BOP1: variants seen among roughly 807,000 people sequenced by gnomAD.
BOP1 encodes ribosome biogenesis protein BOP1.
A neutral mutation model predicts 82.9 loss-of-function variants in BOP1; 54 were observed. The observed-to-expected ratio is 0.65, with a 90% CI of 0.52 to 0.82. The LOEUF (loss-of-function observed/expected upper bound fraction) is 0.82, where lower values mean the gene tolerates loss of function less well. Ranked by LOEUF, BOP1 falls within the 40% of genes least tolerant of loss-of-function variation. The pLI is 0.00. For synonymous variants in BOP1, 566 were observed against 451.1 expected (o/e 1.25, Z -3.23); for missense variants, 1,170 against 1,072.0 (o/e 1.09, Z -1.28).
rs921696334 is a variant in BOP1, at chr8:144,264,841, G to T, written c.546-10C>A. 3.7e-6 allele frequency: 6 copies of T among 1,608,552 alleles called. No homozygotes were observed. The African/African-American group carries it at 5.3e-5, about 14-fold the overall frequency. ...GTCCTGCACGGTGCGCCTGGAGACCGCCAGTCAGACCCCGCCAGCCCTGCC... is the reference window on the plus strand; with the variant it reads ...GTCCTGCACGGTGCGCCTGGAGACCTCCAGTCAGACCCCGCCAGCCCTGCC... On this transcript the variant is annotated splice_polypyrimidine_tract_variant and intron_variant, in intron 4 of 15. Transcript: ENST00000569669.
At chr8:144,274,783 G>A (rs1334806386) in intron 3 of BOP1, among the ~76,000 whole-genome samples, 1 of 152,218 alleles carries the variant, frequency 6.6e-6, no homozygotes. Flanking sequence ...AGGGGCAGCA[G>A]GGTCCCACAG....
rs371797893 is a variant in BOP1 at position 144,289,169 on chromosome 8, C to G, written c.235G>C (p.Glu79Gln). The G allele has an allele frequency of 2.2e-5, 35 of 1,614,096 alleles. No individual in the cohort carries two copies. The African/African-American group carries it at 4.1e-4, about 19-fold the overall frequency. Reference sequence around the variant, plus strand: ...TCAAGGGCTCCGTCCTCTCCCTCCTCGTCGCCTTCGTCATCATCCTCACTG... The same window carrying G: ...TCAAGGGCTCCGTCCTCTCCCTCCTGGTCGCCTTCGTCATCATCCTCACTG... The part of the protein sequence containing the change: ...DSSEDDDEGD[E>Q]EGEDGALDDE... The change falls in exon 2 of 16, where the codon GAG (glutamate) becomes CAG (glutamine). Residue 79 changes from glutamate to glutamine, a missense_variant. Glu to Gln is a conservative substitution (Grantham distance 29, BLOSUM62 2). Coordinates refer to ENST00000569669, the MANE Select transcript of BOP1 (RefSeq NM_015201.5).
At chr8:144,271,188 A>T (rs1186740243) in intron 3 of BOP1, among the ~76,000 whole-genome samples, 1 of 151,916 alleles carries the variant, frequency 6.6e-6, no homozygotes, top group Non-Finnish European at 1.5e-5. Flanking sequence ...CACAGGCCGC[A>T]ACCGGCTGAT....
intron 3 of BOP1, among the ~76,000 whole-genome samples, chr8:144,271,315 G>A (rs1481595519): frequency 1.3e-5 from 2 of 151,830 alleles, no homozygotes; most frequent in Non-Finnish European, 2.9e-5. Flanking sequence ...CCCGCTGCCC[G>A]CCTCCTCCCG....
rs782372764 is a variant in BOP1 at position 144,289,311 on chromosome 8, G to A, written c.100-7C>T. ...AGGTGCAGAGGAGGGGGGGCTGCAAGGAAACACTGGGTTGGTGACAACTGC... is the reference window on the plus strand; with the variant it reads ...AGGTGCAGAGGAGGGGGGGCTGCAAAGAAACACTGGGTTGGTGACAACTGC... On this transcript the variant is annotated splice_region_variant and splice_polypyrimidine_tract_variant and intron_variant, in intron 1 of 15. Transcript: ENST00000569669. The A allele has an allele frequency of 2.5e-6, 4 of 1,612,824 alleles. No homozygotes were observed. In the African/African-American group the frequency reaches 4.0e-5, roughly 16 times the overall value.
At chr8:144,288,180 G>A (rs1291015610) in intron 2 of BOP1, among the ~76,000 whole-genome samples, 3 of 151,522 alleles carry the variant, frequency 2.0e-5, no homozygotes, top group Non-Finnish European at 2.9e-5. Context: ...TGAGACAGGA[G>A]AATTGTTTGA....
chr8:144,286,980 T>C (rs530679784), intron 2 of BOP1, among the ~76,000 whole-genome samples: 48 of 152,328 alleles, frequency 3.2e-4, no homozygotes, highest in African/African-American at 1.2e-3. Context: ...TCTAGTACCT[T>C]TCAAGTACTT....
rs781858674 is a variant in BOP1, at chr8:144,263,224, C to T, written c.1602G>A (p.Gly534=). 1 of 1,594,708 alleles carries T rather than the reference C, an allele frequency of 6.3e-7. No homozygotes were observed. The highest frequency in any genetic ancestry group is 1.3e-5 in the African/African-American group (1 of 74,824). Reference sequence around the variant, plus strand: ...ACCCCCAAGGCGCCCCACGTACCTTCCCGTGGCAGATGCGCAGCCGCAGGC... The same window carrying T: ...ACCCCCAAGGCGCCCCACGTACCTTTCCGTGGCAGATGCGCAGCCGCAGGC... ...QVGLRLRICH[G]KPVTQVTWHG... is the part of the protein sequence containing the mutation. Residue 534 remains glycine, a synonymous_variant, in exon 12 of 16, where the codon GGG becomes GGA. Coordinates refer to ENST00000569669, the MANE Select transcript of BOP1 (RefSeq NM_015201.5).
At chr8:144,284,301 C>CA (rs1306172435) in intron 2 of BOP1, among the ~76,000 whole-genome samples, 1 of 151,434 alleles carries the variant, frequency 6.6e-6, no homozygotes, top group East Asian at 1.9e-4. Flanking sequence ...CTGTCTCAAA[C>CA]AAAAAAAAGC....
chr8:144,278,187 G>A (rs1010781760), intron 2 of BOP1, among the ~76,000 whole-genome samples: 18 of 152,256 alleles, frequency 1.2e-4, no homozygotes, highest in Non-Finnish European at 2.1e-4. Flanking sequence ...AGAGGCAGGC[G>A]GGTCTGAAGG....
chr8:144,265,364 C>A, intron 3 of BOP1: 1 of 549,988 alleles, frequency 1.8e-6, no homozygotes, highest in Non-Finnish European at 3.3e-6. Context: ...TTGGCCAGGG[C>A]TCTGGGCAGC....
intron 3 of BOP1, chr8:144,266,581 C>G: frequency 9.5e-7 from 1 of 1,055,472 alleles, no homozygotes; most frequent in Non-Finnish European, 1.1e-6. Flanking sequence ...GAGCAGCGCG[C>G]GACAGAGCTG....
intron 3 of BOP1, chr8:144,266,480 GC>G (rs1845367362): frequency 1.2e-5 from 12 of 984,894 alleles, no homozygotes; most frequent in Non-Finnish European, 1.4e-5. Flanking sequence ...TGCGCGCGAC[GC>G]CCGGCAGCTG....
intron 3 of BOP1, among the ~76,000 whole-genome samples, chr8:144,269,479 A>G (rs1845454637): frequency 6.6e-6 from 1 of 152,250 alleles, no homozygotes; most frequent in East Asian, 1.9e-4. Context: ...CTGCAAAGAC[A>G]GGCTCCAGGG....
chr8:144,270,304 AAG>A (rs1554837632), intron 3 of BOP1, among the ~76,000 whole-genome samples: 1 of 152,148 alleles, frequency 6.6e-6, no homozygotes, highest in African/African-American at 2.4e-5. Flanking sequence ...GTGCAGGGGA[AAG>A]AGACGTCAGA....
intron 3 of BOP1, among the ~76,000 whole-genome samples, chr8:144,270,886 G>A (rs1248108839): frequency 6.6e-6 from 1 of 152,136 alleles, no homozygotes; most frequent in Non-Finnish European, 1.5e-5. Context: ...GCCCCTGCGA[G>A]CCGAGCTGGG....
chr8:144,273,581 C>G (rs2130233074), intron 3 of BOP1, among the ~76,000 whole-genome samples: 1 of 152,368 alleles, frequency 6.6e-6, no homozygotes, highest in African/African-American at 2.4e-5. Context: ...GAGCAGCCAC[C>G]CGGCCTCAGT....
intron 3 of BOP1, among the ~76,000 whole-genome samples, chr8:144,268,685 T>C (rs1237458629): frequency 6.6e-6 from 1 of 151,966 alleles, no homozygotes; most frequent in Non-Finnish European, 1.5e-5. Flanking sequence ...GAGCCTCATA[T>C]CGGGAAGCTG....
At chr8:144,268,048 G>A (rs1235234301) in intron 3 of BOP1, 1 of 1,548,930 alleles carries the variant, frequency 6.5e-7, no homozygotes, top group African/African-American at 1.4e-5. Flanking sequence ...GGCCAGAGAG[G>A]CGCAGACTGG....
Sources: gnomAD v4.1 joint callset for allele counts (sites outside exome capture counted in the v4.1 genomes callset) on GRCh38, gnomAD v4.1.1 for gene constraint, MANE v1.5 for transcripts, NCBI Gene and HGNC (gene_info 2026-07-23, HGNC 2026-07-21) for gene names.